PRKCD: variants seen among roughly 807,000 people sequenced by gnomAD.
The protein encoded by PRKCD is protein kinase C delta.
Under a neutral mutation model 82.2 loss-of-function variants are expected in PRKCD, and 20 were observed. That is an observed-to-expected ratio of 0.24 (90% CI 0.17 to 0.35). The LOEUF is 0.35. PRKCD is among the 10% of genes least tolerant of loss of function. The probability of loss-of-function intolerance (pLI) is 1.00; values close to 1 mark genes in which losing one functional copy is unlikely to be tolerated. For missense variants in PRKCD, 607 were observed against 899.0 expected, an observed-to-expected ratio of 0.68 and a Z score of 4.15; for synonymous variants, 317 against 337.0, an observed-to-expected ratio of 0.94 and a Z score of 0.65.
In PRKCD at chr3:53,185,690, G is replaced by A. The variant is rs1553668838; in HGVS notation, c.975G>A (p.Glu325=). The change falls in exon 11 of 19, where the codon GAG becomes GAA. Residue 325 remains glutamate (E), a synonymous_variant. Coordinates refer to ENST00000330452, the MANE Select transcript of PRKCD (RefSeq NM_006254.4). Reference sequence around the variant, plus strand: ...AGAAGAAGACCGGAGTTGCTGGGGAGGACATGCAAGGTGAAGCTGGGTCCA... The same window carrying A: ...AGAAGAAGACCGGAGTTGCTGGGGAAGACATGCAAGGTGAAGCTGGGTCCA... The part of the protein sequence containing the change: ...GFEKKTGVAG[E]DMQDNSGTYG... The A allele has an allele frequency of 2.5e-6, 4 of 1,612,096 alleles. No individual in the cohort carries two copies. The highest frequency in any genetic ancestry group is 3.4e-6 in the Non-Finnish European group (4 of 1,180,010).
rs782704224 is a variant in PRKCD, at chr3:53,179,789, C to T, written c.315+13C>T. 1.9e-5 allele frequency: 30 copies of T among 1,542,260 alleles called. No individual in the cohort carries two copies. In the South Asian group the frequency reaches 2.0e-4, roughly 10 times the overall value. On this transcript the variant is annotated intron_variant, in intron 4 of 18. Transcript: ENST00000330452. Reference sequence around the variant, plus strand: ...GGCTGAGTTCTGGGTAAGGGGCGCACGAGCCGTGCCGTGTGTGTGTGTGTG... The same window carrying T: ...GGCTGAGTTCTGGGTAAGGGGCGCATGAGCCGTGCCGTGTGTGTGTGTGTG...
At chr3:53,170,048 TG>T (rs1702966218) in intron 2 of PRKCD, among the ~76,000 whole-genome samples, 1 of 152,224 alleles carries the variant, frequency 6.6e-6, no homozygotes, top group Non-Finnish European at 1.5e-5. Flanking sequence ...GCCCAGATCC[TG>T]GGGATGACTG....
chr3:53,166,816 C>T (rs1168292631), intron 2 of PRKCD, among the ~76,000 whole-genome samples: 1 of 152,258 alleles, frequency 6.6e-6, no homozygotes, highest in East Asian at 1.9e-4. Context: ...TCAGCAGCCA[C>T]CCTGCCCACC....
intron 1 of PRKCD, among the ~76,000 whole-genome samples, chr3:53,162,593 T>A (rs542801516): frequency 9.3e-4 from 142 of 152,148 alleles, no homozygotes; most frequent in Non-Finnish European, 1.6e-3. Context: ...CATGTGTGAC[T>A]TGCTTGTGTG....
Position 53,181,285 on chromosome 3 carries a change from G to C in PRKCD, c.376+18G>C. ...GGACGTGGGTAAGAACTCCCTGGGG[G>C]TGGAGGGCTCCCTTGCCGGGTTCAG... is the stretch of plus-strand genomic sequence containing the variant. On this transcript the variant is annotated intron_variant, in intron 5 of 18. Transcript: ENST00000330452. 1 of 1,613,424 alleles carries C rather than the reference G, an allele frequency of 6.2e-7. No individual in the cohort carries two copies. Among genetic ancestry groups the C allele is most frequent in the African/African-American group, 1.3e-5 (1 of 74,994 alleles).
intron 7 of PRKCD, among the ~76,000 whole-genome samples, chr3:53,182,831 G>A (rs1205548537): frequency 6.6e-6 from 1 of 152,152 alleles, no homozygotes; most frequent in African/African-American, 2.4e-5. Context: ...TTCTCATATT[G>A]CGATGCCCTG....
chr3:53,179,643 C>T lies in PRKCD; in HGVS notation c.182C>T (p.Ala61Val). ...CCTGAGTGGAAGTCGACGTTCGATG[C>T]CCACATCTATGAGGGGCGCGTCATC... ...MYPEWKSTFD[A>V]HIYEGRVIQI... Residue 61 changes from alanine (A) to valine (V), a missense_variant, in exon 4 of 19, where the codon GCC (alanine) becomes GTC (valine). Physicochemically the swap from Ala to Val is moderately conservative, Grantham distance 64. Coordinates refer to ENST00000330452, the MANE Select transcript of PRKCD (RefSeq NM_006254.4). 1.9e-6 allele frequency: 3 copies of T among 1,614,092 alleles called. No individual in the cohort carries two copies. Among genetic ancestry groups the T allele is most frequent in the Non-Finnish European group, 2.5e-6 (3 of 1,179,992 alleles).
intron 1 of PRKCD, among the ~76,000 whole-genome samples, chr3:53,162,912 C>T (rs576987438): frequency 1.5e-4 from 23 of 152,194 alleles, no homozygotes; most frequent in African/African-American, 5.1e-4. Flanking sequence ...TGTGTACTCA[C>T]GTGTGGCTCT....
intron 2 of PRKCD, chr3:53,173,470 G>C (rs1553665333): frequency 6.6e-6 from 1 of 152,188 alleles, no homozygotes; most frequent in Non-Finnish European, 1.5e-5. Context: ...CCTAGGTTTT[G>C]TTTTTGTTTT....
chr3:53,188,186 T>TAAAAAAAAAAAAAA, intron 15 of PRKCD, among the ~76,000 whole-genome samples: 1 of 1,918 alleles, frequency 5.2e-4, no homozygotes, highest in Non-Finnish European at 6.1e-3. Flanking sequence ...AGACTGTGTC[T>TAAAAAAAAAAAAAA]CAAAAAAAAA....
In PRKCD at chr3:53,192,258, G is replaced by T. The variant is rs782256859; in HGVS notation, c.2023G>T (p.Glu675Ter). 6.2e-7 allele frequency: 1 copy of T among 1,614,014 alleles called. No homozygotes were observed. Residue 675 changes from glutamate to a stop codon, truncating the protein, a stop_gained, in exon 19 of 19, where the codon GAA (glutamate) becomes TAA (stop). Transcript: ENST00000330452. LOFTEE classifies it high-confidence loss of function. ...FVNPKFEHLL[E>*]D ...GAACCCCAAATTCGAGCACCTCCTG[G>T]AAGATTGAGGTTCCTGGACAGATCA...
intron 4 of PRKCD, 120 bp downstream of exon 4, chr3:53,179,896 C>A: frequency 1.6e-6 from 2 of 1,277,146 alleles, no homozygotes; most frequent in Non-Finnish European, 2.2e-6. Context: ...TGAAGAGCAC[C>A]GGGCCCTGTG....
Position 53,166,020 on chromosome 3 carries a change from G to A in PRKCD, c.-20+805G>A, listed in dbSNP as rs559745579. Among the ~76,000 whole-genome samples, 4 of 152,292 alleles carry A rather than the reference G, an allele frequency of 2.6e-5. No homozygotes were observed. In the South Asian group the frequency reaches 6.2e-4, roughly 24 times the overall value. ...TGGGTGCTAATGAAGCTGGAGCCTC[G>A]GAGTAACAGTGGGGGGATAGCAAAG... On this transcript the variant is annotated intron_variant, in intron 2 of 18. Transcript: ENST00000330452.
At position 53,188,754 on chromosome 3, in the gene PRKCD, G is replaced by C. The variant is rs1703807403; in HGVS notation, c.1450G>C (p.Asp484His). The C allele has an allele frequency of 1.2e-6, 2 of 1,614,094 alleles. No individual in the cohort carries two copies. The highest frequency in any genetic ancestry group is 1.7e-6 in the Non-Finnish European group (2 of 1,180,040). The change falls in exon 16 of 19, where the codon GAT becomes CAT. Residue 484 changes from aspartate (D) to histidine (H), a missense_variant. By Grantham distance (81) the Asp-to-His change is moderately conservative. Coordinates refer to ENST00000330452, the MANE Select transcript of PRKCD (RefSeq NM_006254.4). ...LKLDNVLLDR[D>H]GHIKIADFGM... ...ACTGGACAATGTGCTGCTGGACCGG[G>C]ATGGCCACATCAAGATTGCCGACTT...
intron 2 of PRKCD, among the ~76,000 whole-genome samples, chr3:53,165,449 T>C (rs1222829860): frequency 1.3e-5 from 2 of 152,232 alleles, no homozygotes; most frequent in Non-Finnish European, 2.9e-5. Context: ...TGCTCTCACC[T>C]TGGAGCTCAG....
Position 53,185,635 on chromosome 3 carries a change from C to T in PRKCD, c.920C>T (p.Ser307Leu). The T allele has an allele frequency of 6.2e-7, 1 of 1,613,476 alleles. No individual in the cohort carries two copies. The highest frequency in any genetic ancestry group is 8.5e-7 in the Non-Finnish European group (1 of 1,180,042). ...RASRRSDSAS[S>L]EPVGIYQGFE... The stretch of plus-strand genomic sequence containing the variant: ...TCCCGGAGATCAGACTCAGCCTCCT[C>T]AGAGCCTGTTGGGATATATCAGGGT... Residue 307 changes from serine (S) to leucine (L), a missense_variant, in exon 11 of 19, where the codon TCA becomes TTA. By Grantham distance (145) the Ser-to-Leu change is moderately radical (BLOSUM62 -2). Transcript: ENST00000330452.
Position 53,189,274 on chromosome 3 carries a change from G to GGC in PRKCD, c.1743+28_1743+29insGC, listed in dbSNP as rs782650587. 156 of 795,894 alleles carry GGC rather than the reference G, an allele frequency of 2.0e-4. 19 individuals carry two copies. The highest frequency in any genetic ancestry group is 1.1e-3 in the Middle Eastern group (3 of 2,612). 49.3% of individuals were successfully genotyped at this position (795,894 alleles called of 1,614,324 possible). A position where few individuals can be genotyped will look rare whatever the true frequency, so the allele number is the denominator to read the frequency against. ...GGAGGCCCTGGGCTGGGCTGGGCTG[G>GGC]TCTGGGCTGGGCTGGGGCAGGGGCT... On this transcript the variant is annotated intron_variant, in intron 17 of 18. Transcript: ENST00000330452.
chr3:53,184,251 C>G (rs566162562), intron 9 of PRKCD, among the ~76,000 whole-genome samples: 1 of 151,880 alleles, frequency 6.6e-6, no homozygotes, highest in Non-Finnish European at 1.5e-5. Flanking sequence ...AGGAGAATGG[C>G]GTGAACCCAG....
chr3:53,187,298 C>A (rs372629606), intron 14 of PRKCD, 42 bp from the exon 15 acceptor site: 3 of 1,610,914 alleles, frequency 1.9e-6, no homozygotes, highest in Non-Finnish European at 2.5e-6. Context: ...AGAGGCTGCT[C>A]GGCAGAGATC....
Sources: gnomAD v4.1 joint callset for allele counts (sites outside exome capture counted in the v4.1 genomes callset) on GRCh38, gnomAD v4.1.1 for gene constraint, MANE v1.5 for transcripts, NCBI Gene and HGNC (gene_info 2026-07-23, HGNC 2026-07-21) for gene names.